Variants in CCDC3 observed in about 807,000 individuals in gnomAD.
The protein encoded by CCDC3 is coiled-coil domain-containing protein 3.
Under a neutral mutation model 21.4 loss-of-function variants are expected in CCDC3, and 24 were observed. The ratio of observed to expected loss-of-function variants is 1.12; its 90% confidence interval spans 0.81 to 1.58. CCDC3 has a LOEUF of 1.58. Ranked by LOEUF, CCDC3 falls within the 40% of genes most tolerant of loss-of-function variation. The pLI, the probability that CCDC3 is intolerant of heterozygous loss-of-function variation, is 0.00. For synonymous variants in CCDC3, 186 were observed against 166.0 expected (o/e 1.12, Z -0.93); for missense variants, 425 against 360.9 (o/e 1.18, Z -1.44).
At chr10:13,010,100 T>G (rs1158998829) in intron 5 of CCDC3, among the ~76,000 whole-genome samples, 1 of 151,918 alleles carries the variant, frequency 6.6e-6, no homozygotes, top group Non-Finnish European at 1.5e-5. Flanking sequence ...ATACAAAAAT[T>G]AGCAGGGTGT....
chr10:13,032,167 G>C (rs1836313673), intron 5 of CCDC3, among the ~76,000 whole-genome samples: 1 of 92,070 alleles, frequency 1.1e-5, no homozygotes, highest in Admixed American at 1.4e-4. Context: ...TTCATCCCTG[G>C]GATGCAAGGC....
At chr10:13,090,054 T>TGG (rs1564345325) in intron 3 of CCDC3, among the ~76,000 whole-genome samples, 1 of 130,158 alleles carries the variant, frequency 7.7e-6, no homozygotes, top group African/African-American at 3.2e-5. Context: ...TATATATATA[T>TGG]ATATATATAT....
chr10:12,948,727 A>AGTT (rs1834961245), intron 2 of CCDC3, among the ~76,000 whole-genome samples: 1 of 29,340 alleles, frequency 3.4e-5, no homozygotes, highest in Non-Finnish European at 6.2e-5. Context: ...TTTTTAAGGC[A>AGTT]GTTTTTTTTT....
chr10:12,950,002 G>A lies in CCDC3; in HGVS notation c.549+48336C>T, dbSNP rs114923973. ...ACACACCTGTGTTCTCTCCTAGTTG[G>A]TGCCACCTGTCACATCCAAGCCCAT... On this transcript the variant is annotated intron_variant, in intron 2 of 2. Transcript: ENST00000378825. 7.2e-3 allele frequency among the ~76,000 whole-genome samples: 1,099 copies of A among 152,198 alleles called. 10 individuals are homozygous for A. The highest frequency in any genetic ancestry group is 0.025 in the African/African-American group (1,044 of 41,534).
At chr10:12,947,995 CCA>C (rs1834943606) in intron 2 of CCDC3, among the ~76,000 whole-genome samples, 1 of 152,320 alleles carries the variant, frequency 6.6e-6, no homozygotes, top group South Asian at 2.1e-4. Context: ...CAGCCTGACT[CCA>C]GAGCCCAGCT....
chr10:13,036,983 C>T (rs1189347482), intron 5 of CCDC3, among the ~76,000 whole-genome samples: 1 of 151,768 alleles, frequency 6.6e-6, no homozygotes, highest in Non-Finnish European at 1.5e-5. Context: ...TAGGGTCTCA[C>T]TGTGTTGCCT....
At chr10:12,900,900 A>G (rs1834082756) in intron 2 of CCDC3, among the ~76,000 whole-genome samples, 1 of 152,106 alleles carries the variant, frequency 6.6e-6, no homozygotes, top group African/African-American at 2.4e-5. Context: ...CCACTTCAGT[A>G]CTAAAGGATT....
chr10:12,964,569 C>T (rs10906267), intron 2 of CCDC3, among the ~76,000 whole-genome samples: 130,920 of 151,758 alleles, frequency 0.86, 57,633 homozygotes, highest in East Asian at 1. Context: ...AAAGAATCAC[C>T]AAGAGGGGAC....
chr10:13,032,290 G>A (rs910421621), intron 5 of CCDC3, among the ~76,000 whole-genome samples: 2 of 152,064 alleles, frequency 1.3e-5, no homozygotes, highest in African/African-American at 4.8e-5. Flanking sequence ...AAATTCAACA[G>A]CCCTTCATGC....
chr10:12,951,988 C>T (rs530015731), intron 2 of CCDC3, among the ~76,000 whole-genome samples: 4 of 152,198 alleles, frequency 2.6e-5, no homozygotes, highest in South Asian at 2.1e-4. Flanking sequence ...ATGTCTAGTA[C>T]AACCTTCTGG....
intron 2 of CCDC3, among the ~76,000 whole-genome samples, chr10:12,909,336 G>A (rs959714516): frequency 1.7e-4 from 26 of 152,178 alleles, no homozygotes; most frequent in African/African-American, 6.3e-4. Context: ...CAGGCTGCAG[G>A]GGAGGAAGGG....
intron 2 of CCDC3, among the ~76,000 whole-genome samples, chr10:12,934,728 G>A (rs1834707764): frequency 6.6e-6 from 1 of 151,998 alleles, no homozygotes; most frequent in Admixed American, 6.6e-5. Context: ...TTCTTGCTCT[G>A]AAGTCTGCTC....
intron 5 of CCDC3, among the ~76,000 whole-genome samples, chr10:13,013,754 T>C (rs959742994): frequency 6.6e-6 from 1 of 152,046 alleles, no homozygotes; most frequent in South Asian, 2.1e-4. Flanking sequence ...TAAACACAAA[T>C]TGAGGAACAT....
intron 4 of CCDC3, among the ~76,000 whole-genome samples, chr10:13,050,295 A>G (rs1159879417): frequency 2.6e-5 from 4 of 152,084 alleles, no homozygotes; most frequent in Non-Finnish European, 5.9e-5. Context: ...CTCCTTGGTA[A>G]TTGGTGAATC....
intron 2 of CCDC3, among the ~76,000 whole-genome samples, chr10:12,907,034 G>T (rs190039758): frequency 7.2e-5 from 11 of 152,238 alleles, no homozygotes; most frequent in Admixed American, 6.5e-4. Flanking sequence ...TCCTCCTGAA[G>T]TCTTCCTATA....
At chr10:12,956,060 G>C (rs972605893) in intron 2 of CCDC3, among the ~76,000 whole-genome samples, 1 of 151,454 alleles carries the variant, frequency 6.6e-6, no homozygotes, top group Non-Finnish European at 1.5e-5. Context: ...GGCTGGTCTT[G>C]AACTCCTGGG....
At chr10:13,081,023 G>T (rs534945977) in intron 3 of CCDC3, among the ~76,000 whole-genome samples, 1 of 152,314 alleles carries the variant, frequency 6.6e-6, no homozygotes, top group South Asian at 2.1e-4. Flanking sequence ...GGGGCAGGAG[G>T]CATCACCATG....
chr10:13,074,952 T>G (rs1454155755), intron 3 of CCDC3, among the ~76,000 whole-genome samples: 2 of 152,164 alleles, frequency 1.3e-5, no homozygotes, highest in Non-Finnish European at 2.9e-5. Flanking sequence ...AGAAATAGAT[T>G]TCATGTTTTC....
chr10:12,964,612 C>T (rs1835232643), intron 2 of CCDC3, among the ~76,000 whole-genome samples: 1 of 152,160 alleles, frequency 6.6e-6, no homozygotes, highest in African/African-American at 2.4e-5. Context: ...CCTGGAGCTA[C>T]CACTACCTTT....
Sources: gnomAD v4.1 joint callset for allele counts (sites outside exome capture counted in the v4.1 genomes callset) on GRCh38, gnomAD v4.1.1 for gene constraint, MANE v1.5 for transcripts, NCBI Gene and HGNC (gene_info 2026-07-23, HGNC 2026-07-21) for gene names.